Variants in RALGPS2 observed in about 807,000 individuals in gnomAD.
RALGPS2 encodes Ral GEF with PH domain and SH3 binding motif 2, also known as ras-specific guanine nucleotide-releasing factor RalGPS2.
In RALGPS2, 43 loss-of-function variants were observed where a neutral mutation model predicts 86.8. That is an observed-to-expected ratio of 0.50 (90% CI 0.39 to 0.64). The LOEUF (loss-of-function observed/expected upper bound fraction) is 0.64. RALGPS2 is among the 30% of genes least tolerant of loss of function. RALGPS2 has a pLI of 0.00. For missense variants in RALGPS2, 536 were observed against 694.6 expected, an observed-to-expected ratio of 0.77 and a Z score of 2.57; for synonymous variants, 243 against 231.3, an observed-to-expected ratio of 1.05 and a Z score of -0.46.
intron 8 of RALGPS2, among the ~76,000 whole-genome samples, chr1:178,852,179 C>T (rs546297110): frequency 6.6e-5 from 10 of 152,250 alleles, no homozygotes; most frequent in African/African-American, 2.4e-4. Context: ...AGCAGATTTT[C>T]CTGGCGAACC....
chr1:178,853,828 G>A, intron 8 of RALGPS2: 1 of 1,463,500 alleles, frequency 6.8e-7, no homozygotes, highest in Non-Finnish European at 9.1e-7. Flanking sequence ...AACTTAATAT[G>A]AGAAGAGACA....
At chr1:178,863,955 C>CTA (rs1658211403) in intron 8 of RALGPS2, among the ~76,000 whole-genome samples, 1 of 152,006 alleles carries the variant, frequency 6.6e-6, no homozygotes. Context: ...GTTTTATGTC[C>CTA]TGCCTTTTCA....
In RALGPS2 at chr1:178,885,111, A is replaced by G. The variant is rs1351583549; in HGVS notation, c.940A>G (p.Lys314Glu). The change falls in exon 12 of 20, where the codon AAA (lysine) becomes GAA (glutamate). Residue 314 changes from lysine to glutamate, a missense_variant. Physicochemically the swap from Lys to Glu is moderately conservative, Grantham distance 56 (BLOSUM62 1). Around this residue, in one of 3 missense-constraint regions of RALGPS2, gnomAD observed 309 missense variants for 363.0 expected, o/e 0.85. Coordinates refer to ENST00000367635, the MANE Select transcript of RALGPS2 (RefSeq NM_152663.5). ...EVGASPQSGRKSVAAEGALLP... is the reference protein window; with the variant it reads ...EVGASPQSGRESVAAEGALLP... ...AGGAGCGTCTCCACAGAGTGGACGAAAAAGTGTGGCAGCTGAAGGAGCCTT... is the reference window on the plus strand; with the variant it reads ...AGGAGCGTCTCCACAGAGTGGACGAGAAAGTGTGGCAGCTGAAGGAGCCTT... 1.2e-6 allele frequency: 2 copies of G among 1,610,964 alleles called. No individual in the cohort carries two copies. Among genetic ancestry groups the G allele is most frequent in the African/African-American group, 2.7e-5 (2 of 74,714 alleles).
chr1:178,895,713 AAAC>A (rs1474683877), intron 16 of RALGPS2, among the ~76,000 whole-genome samples: 2 of 152,020 alleles, frequency 1.3e-5, no homozygotes, highest in Non-Finnish European at 2.9e-5. Flanking sequence ...GAAAGAGTGA[AAAC>A]AAAGATAACT....
intron 9 of RALGPS2, 99 bp from the exon 10 acceptor site, chr1:178,878,803 A>G: frequency 1.3e-6 from 2 of 1,502,064 alleles, no homozygotes; most frequent in Non-Finnish European, 1.8e-6. Context: ...TTTTGCTGCC[A>G]TGTGGCCTTA....
chr1:178,785,142 G>A (rs1653590215), intron 3 of RALGPS2, among the ~76,000 whole-genome samples: 1 of 151,802 alleles, frequency 6.6e-6, no homozygotes, highest in Admixed American at 6.6e-5. Context: ...ATATAATGTT[G>A]GCTTTAGTGT....
chr1:178,778,945 A>G (rs1471614055), intron 2 of RALGPS2, among the ~76,000 whole-genome samples: 1 of 152,232 alleles, frequency 6.6e-6, no homozygotes, highest in Non-Finnish European at 1.5e-5. Flanking sequence ...TTGAAAAATA[A>G]TGACAAATAA....
At chr1:178,856,202 G>GAGATATATATCTATATATATATAT (rs1428022812) in intron 8 of RALGPS2, among the ~76,000 whole-genome samples, 1 of 83,912 alleles carries the variant, frequency 1.2e-5, no homozygotes, top group African/African-American at 6.4e-5. Context: ...GAGAGAGAGA[G>GAGATATATATCTATATATATATAT]ATATATATAT....
intron 8 of RALGPS2, among the ~76,000 whole-genome samples, chr1:178,859,391 C>G (rs1241923576): frequency 1.3e-5 from 2 of 150,162 alleles, no homozygotes; most frequent in Non-Finnish European, 3.0e-5. Context: ...TGACTACTTT[C>G]CAAGTTTAAC....
At chr1:178,907,596 G>A (rs933940338) in intron 19 of RALGPS2, among the ~76,000 whole-genome samples, 11 of 152,160 alleles carry the variant, frequency 7.2e-5, no homozygotes, top group Admixed American at 2.0e-4. Flanking sequence ...CCACAGATTG[G>A]TAGAGCAGAC....
At chr1:178,800,378 T>G (rs1260345295) in intron 4 of RALGPS2, among the ~76,000 whole-genome samples, 1 of 152,118 alleles carries the variant, frequency 6.6e-6, no homozygotes, top group Admixed American at 6.5e-5. Flanking sequence ...TTACACCAAG[T>G]GTGCCTGCCT....
At chr1:178,777,591 C>A (rs1653161172) in intron 2 of RALGPS2, among the ~76,000 whole-genome samples, 1 of 151,164 alleles carries the variant, frequency 6.6e-6, no homozygotes, top group Non-Finnish European at 1.5e-5. Context: ...CCAAGGCAAT[C>A]CTAAGCCAAA....
intron 1 of RALGPS2, among the ~76,000 whole-genome samples, chr1:178,776,098 G>A (rs1653069899): frequency 6.6e-6 from 1 of 152,114 alleles, no homozygotes; most frequent in South Asian, 2.1e-4. Context: ...TAGGTGATAT[G>A]CAAATACTGC....
chr1:178,788,845 CTTTT>C (rs1214410441), intron 4 of RALGPS2, among the ~76,000 whole-genome samples: 2 of 28,440 alleles, frequency 7.0e-5, no homozygotes, highest in Admixed American at 3.1e-4. Flanking sequence ...TTCTTTCTTT[CTTTT>C]CTTTTCTTTT....
chr1:178,816,848 A>G (rs1655254312), intron 6 of RALGPS2, among the ~76,000 whole-genome samples: 9 of 151,698 alleles, frequency 5.9e-5, no homozygotes, highest in Admixed American at 5.9e-4. Context: ...AGCTGAGATT[A>G]CAGGCATGCA....
At chr1:178,910,449 T>C (rs1273785442) in intron 19 of RALGPS2, among the ~76,000 whole-genome samples, 1 of 152,200 alleles carries the variant, frequency 6.6e-6, no homozygotes, top group African/African-American at 2.4e-5. Context: ...GTGCCTAATT[T>C]GTTGAGGGCT....
chr1:178,787,781 A>G (rs1207097382), intron 4 of RALGPS2, among the ~76,000 whole-genome samples: 1 of 152,110 alleles, frequency 6.6e-6, no homozygotes, highest in Non-Finnish European at 1.5e-5. Context: ...CTCTACTCCC[A>G]ACACCCCAAT....
At chr1:178,815,228 A>ATG (rs1241786439) in intron 6 of RALGPS2, among the ~76,000 whole-genome samples, 39 of 151,438 alleles carry the variant, frequency 2.6e-4, no homozygotes, top group Non-Finnish European at 5.3e-4. Context: ...TTACAGGCTC[A>ATG]CACCACCATG....
chr1:178,829,060 T>A (rs1655893324), intron 7 of RALGPS2, among the ~76,000 whole-genome samples: 1 of 152,160 alleles, frequency 6.6e-6, no homozygotes, highest in Non-Finnish European at 1.5e-5. Flanking sequence ...AAAATGTGGT[T>A]TATATACACA....
Sources: allele counts gnomAD v4.1 joint callset (sites outside exome capture counted in the v4.1 genomes callset), GRCh38; gene constraint gnomAD v4.1.1; regional missense constraint gnomAD v4.1.1; transcripts MANE v1.5; gene names NCBI Gene and HGNC (gene_info 2026-07-23, HGNC 2026-07-21).